Variants in UBR3 observed in about 807,000 individuals in gnomAD.
UBR3 encodes E3 ubiquitin-protein ligase UBR3.
In UBR3, 85 loss-of-function variants were observed where a neutral mutation model predicts 243.2. The ratio of observed to expected loss-of-function variants is 0.35; its 90% CI spans 0.29 to 0.42. The LOEUF (loss-of-function observed/expected upper bound fraction) is 0.42, where lower values mean the gene tolerates loss of function less well. Ranked by LOEUF, UBR3 falls within the 10% of genes least tolerant of loss-of-function variation. UBR3 has a pLI of 1.00. For missense variants in UBR3, 1,686 were observed against 2,300.8 expected (o/e 0.73, Z 5.47); for synonymous variants, 748 against 799.8 (o/e 0.94, Z 1.09).
intron 30 of UBR3, among the ~76,000 whole-genome samples, chr2:170,028,700 T>TTC (rs2090594903): frequency 6.6e-6 from 1 of 150,508 alleles, no homozygotes; most frequent in South Asian, 2.1e-4. Flanking sequence ...TTTTTTTTTT[T>TTC]CCCAGAATAA....
At chr2:169,880,125 T>G (rs1468043832) in intron 5 of UBR3, among the ~76,000 whole-genome samples, 3 of 152,132 alleles carry the variant, frequency 2.0e-5, no homozygotes, top group African/African-American at 7.2e-5. Context: ...TATGAATGGG[T>G]GAATGAATGG....
In UBR3 at chr2:169,922,412, G is replaced by A. The variant is rs145135987; in HGVS notation, c.1867-1517G>A. 4.5e-3 allele frequency among the ~76,000 whole-genome samples: 679 copies of A among 152,180 alleles called. 4 individuals carry two copies. The highest frequency in any genetic ancestry group is 0.015 in the African/African-American group (631 of 41,522). ...TGTTACTAAGGCGATTATGGTAATG[G>A]AGGGCAAACTTTTTAAAATTTTATT... On this transcript the variant is annotated intron_variant, in intron 11 of 38. Coordinates refer to ENST00000272793, the MANE Select transcript of UBR3 (RefSeq NM_172070.4).
chr2:169,931,091 C>T (rs1313834206), intron 18 of UBR3, among the ~76,000 whole-genome samples: 1 of 152,158 alleles, frequency 6.6e-6, no homozygotes, highest in African/African-American at 2.4e-5. Flanking sequence ...GTGGCTCACG[C>T]CTGTAATCCC....
chr2:169,954,698 C>T (rs1392475733), intron 23 of UBR3, among the ~76,000 whole-genome samples: 1 of 151,958 alleles, frequency 6.6e-6, no homozygotes, highest in East Asian at 1.9e-4. Context: ...CCTCAGCCTC[C>T]CGAGTAGCTG....
chr2:169,924,058 A>T, intron 12 of UBR3, 26 bp from the exon 13 acceptor site: 1 of 1,527,316 alleles, frequency 6.5e-7, no homozygotes, highest in Non-Finnish European at 8.8e-7. Flanking sequence ...GAATTGAATT[A>T]GTAACTTTTT....
intron 30 of UBR3, among the ~76,000 whole-genome samples, chr2:170,024,855 A>T (rs1430547734): frequency 6.6e-6 from 1 of 152,170 alleles, no homozygotes; most frequent in Admixed American, 6.6e-5. Flanking sequence ...TAGATTTTGC[A>T]GAAAATAGAA....
intron 26 of UBR3, among the ~76,000 whole-genome samples, chr2:169,996,789 G>A (rs1280768035): frequency 1.3e-5 from 2 of 149,864 alleles, no homozygotes; most frequent in Non-Finnish European, 3.0e-5. Flanking sequence ...GCCTCCTGGG[G>A]CCTGGGTTCA....
At chr2:169,923,073 C>T (rs1341452655) in intron 11 of UBR3, among the ~76,000 whole-genome samples, 1 of 152,104 alleles carries the variant, frequency 6.6e-6, no homozygotes, top group East Asian at 1.9e-4. Context: ...AGAAGGACAG[C>T]TGTGGTGTAT....
chr2:169,932,202 C>T (rs2086159735), intron 18 of UBR3, among the ~76,000 whole-genome samples: 2 of 151,822 alleles, frequency 1.3e-5, no homozygotes, highest in Non-Finnish European at 1.5e-5. Flanking sequence ...CTCAGCCACC[C>T]GAGTAGCTGG....
At chr2:169,900,134 T>G (rs917812797) in intron 8 of UBR3, among the ~76,000 whole-genome samples, 2 of 152,234 alleles carry the variant, frequency 1.3e-5, no homozygotes, top group African/African-American at 2.4e-5. Context: ...GCGTTCCTAT[T>G]TCTCCACATC....
chr2:170,076,807 T>C (rs1305765074), intron 36 of UBR3, among the ~76,000 whole-genome samples: 2 of 152,236 alleles, frequency 1.3e-5, no homozygotes, highest in African/African-American at 2.4e-5. Context: ...TCTTTGTTTC[T>C]ATAAGGCTGT....
chr2:169,933,573 T>G (rs1410426267), intron 19 of UBR3, among the ~76,000 whole-genome samples: 1 of 152,242 alleles, frequency 6.6e-6, no homozygotes, highest in Non-Finnish European at 1.5e-5. Context: ...AATGTATTAT[T>G]TCACCTCTTT....
At chr2:169,985,736 G>A (rs2088971118) in intron 24 of UBR3, among the ~76,000 whole-genome samples, 1 of 151,966 alleles carries the variant, frequency 6.6e-6, no homozygotes, top group African/African-American at 2.4e-5. Context: ...TTCTATTTTA[G>A]GTTACTGTCC....
At chr2:169,959,748 C>T (rs2087477858) in intron 24 of UBR3, among the ~76,000 whole-genome samples, 1 of 152,066 alleles carries the variant, frequency 6.6e-6, no homozygotes, top group Admixed American at 6.5e-5. Context: ...GCTGAAAGTA[C>T]AGTACCCGGT....
intron 27 of UBR3, among the ~76,000 whole-genome samples, chr2:170,004,717 C>A (rs2089844470): frequency 6.6e-6 from 1 of 151,822 alleles, no homozygotes; most frequent in African/African-American, 2.4e-5. Context: ...TCGAGACCAG[C>A]CTGGCCAACA....
chr2:169,918,307 CTT>C (rs35089044), intron 11 of UBR3, among the ~76,000 whole-genome samples: 17 of 141,604 alleles, frequency 1.2e-4, no homozygotes, highest in Admixed American at 2.8e-4. Context: ...TATATTTTTA[CTT>C]TTTTTTTTTT....
At chr2:170,028,167 T>C (rs1436152198) in intron 30 of UBR3, among the ~76,000 whole-genome samples, 1 of 151,870 alleles carries the variant, frequency 6.6e-6, no homozygotes, top group Non-Finnish European at 1.5e-5. Flanking sequence ...AAAATATATT[T>C]CCTTTATCCT....
chr2:169,975,854 A>G (rs1216079853), intron 24 of UBR3, among the ~76,000 whole-genome samples: 1 of 145,268 alleles, frequency 6.9e-6, no homozygotes, highest in Non-Finnish European at 1.5e-5. Flanking sequence ...AATTATCTGG[A>G]TCTGCATATA....
At chr2:169,853,189 A>T (rs1488951855) in intron 1 of UBR3, among the ~76,000 whole-genome samples, 1 of 152,190 alleles carries the variant, frequency 6.6e-6, no homozygotes, top group Non-Finnish European at 1.5e-5. Flanking sequence ...CCTTAGCTGC[A>T]ATACGGAACC....
Sources: allele counts gnomAD v4.1 joint callset (sites outside exome capture counted in the v4.1 genomes callset), GRCh38; gene constraint gnomAD v4.1.1; transcripts MANE v1.5; gene names NCBI Gene and HGNC (gene_info 2026-07-23, HGNC 2026-07-21).